Variants in ACOD1 observed in about 807,000 individuals in gnomAD.
ACOD1 encodes aconitate decarboxylase 1.
ACOD1 carries 14 observed loss-of-function variants against 14.2 expected under a neutral mutation model. The observed-to-expected ratio is 0.99, with a 90% CI of 0.65 to 1.54. ACOD1 has a LOEUF of 1.54. Among genes scored for constraint, ACOD1 ranks in the 40% most tolerant of loss-of-function variants. The pLI is 0.00. For synonymous variants in ACOD1, 182 were observed against 221.7 expected, an observed-to-expected ratio of 0.82 and a Z score of 1.59; for missense variants, 530 against 586.3, an observed-to-expected ratio of 0.90 and a Z score of 0.99.
At position 76,957,201 on chromosome 13, in the gene ACOD1, C is replaced by A; in HGVS notation, c.662C>A (p.Ala221Asp). The A allele has an allele frequency of 7.1e-6, 11 of 1,550,638 alleles. No homozygotes were observed. Among genetic ancestry groups the A allele is most frequent in the Non-Finnish European group, 9.6e-6 (11 of 1,147,004 alleles). ...AATGCTGCCAAGCATGGGATAGAAG[C>A]TGCATTTTTGGCAATGTTGGGTCTC... ...IGNAAKHGIE[A>D]AFLAMLGLQG... is the part of the protein sequence containing the mutation. The change falls in exon 5 of 5, where the codon GCT becomes GAT. Residue 221 changes from alanine to aspartate, a missense_variant. Physicochemically the swap from Ala to Asp is moderately radical, Grantham distance 126. Transcript: ENST00000377462.
chr13:76,952,577 T>G lies in ACOD1; in HGVS notation c.101T>G (p.Ile34Ser). The G allele has an allele frequency of 6.4e-7, 1 of 1,550,436 alleles. No homozygotes were observed. The highest frequency in any genetic ancestry group is 2.4e-5 in the East Asian group (1 of 40,898). ...GTTATTCAGAGGAGCAAGAGGATGA[T>G]TCTAGACACTCTGGGTGCTGGGTTC... ...DRVIQRSKRMILDTLGAGFLG... is the reference protein window; with the variant it reads ...DRVIQRSKRMSLDTLGAGFLG... Residue 34 changes from isoleucine (I) to serine (S), a missense_variant, in exon 2 of 5, where the codon ATT (isoleucine) becomes AGT (serine). Coordinates refer to ENST00000377462, the MANE Select transcript of ACOD1 (RefSeq NM_001258406.2).
chr13:76,957,166 C>T lies in ACOD1; in HGVS notation c.627C>T (p.Leu209=), dbSNP rs1426557918. 6.4e-7 allele frequency: 1 copy of T among 1,550,678 alleles called. No individual in the cohort carries two copies. Among genetic ancestry groups the T allele is most frequent in the South Asian group, 1.2e-5 (1 of 84,066 alleles). Residue 209 remains leucine (L), a synonymous_variant, in exon 5 of 5, where the codon CTC becomes CTT. Coordinates refer to ENST00000377462, the MANE Select transcript of ACOD1 (RefSeq NM_001258406.2). ...MANAATQTKP[L]HIGNAAKHGI... is the part of the protein sequence containing the mutation. ...ATGCTGCCACCCAGACCAAGCCCCT[C>T]CACATTGGCAATGCTGCCAAGCATG...
chr13:76,948,597 T>A, intron 1 of ACOD1, 27 bp downstream of exon 1: 1 of 1,062,334 alleles, frequency 9.4e-7, no homozygotes, highest in Non-Finnish European at 1.4e-6. Flanking sequence ...TGTGACTTAC[T>A]TAAATTGCTT....
At position 76,957,495 on chromosome 13, in the gene ACOD1, TA is replaced by T; in HGVS notation, c.959del (p.Asn320ThrfsTer43). ...IVLRIPNVQY[V>X]NRPFPVSEHE... ...CTCAGGATACCAAATGTCCAGTATG[TA>T]AACAGGCCCTTTCCAGTTTCGGAGC... On this transcript the variant is annotated frameshift_variant, in exon 5 of 5. Coordinates refer to ENST00000377462, the MANE Select transcript of ACOD1 (RefSeq NM_001258406.2). LOFTEE classifies it low-confidence loss of function (END_TRUNC). 6.4e-7 allele frequency: 1 copy of T among 1,550,636 alleles called. No individual in the cohort carries two copies. Among genetic ancestry groups the T allele is most frequent in the Non-Finnish European group, 8.7e-7 (1 of 1,147,004 alleles).
At position 76,957,433 on chromosome 13, in the gene ACOD1, A is replaced by C; in HGVS notation, c.894A>C (p.Arg298Ser). The change falls in exon 5 of 5, where the codon AGA becomes AGC. Residue 298 changes from arginine (R) to serine (S), a missense_variant. Arg to Ser is a moderately radical substitution (Grantham distance 110, BLOSUM62 -1). Coordinates refer to ENST00000377462, the MANE Select transcript of ACOD1 (RefSeq NM_001258406.2). Reference protein sequence around the residue: ...ASVRKHLVAERALLPTDYIKR... With the variant: ...ASVRKHLVAESALLPTDYIKR... ...TGAGAAAGCACCTTGTAGCAGAGAGAGCCCTGCTTCCAACTGACTACATTA... is the reference window on the plus strand; with the variant it reads ...TGAGAAAGCACCTTGTAGCAGAGAGCGCCCTGCTTCCAACTGACTACATTA... The C allele has an allele frequency of 6.4e-7, 1 of 1,550,564 alleles. No individual in the cohort carries two copies. Among genetic ancestry groups the C allele is most frequent in the African/African-American group, 1.4e-5 (1 of 73,180 alleles).
Position 76,952,516 on chromosome 13 carries a change from A to G in ACOD1, c.40A>G (p.Ile14Val). ...KSITESFATAIHGLKVGHLTD... is the reference protein window; with the variant it reads ...KSITESFATAVHGLKVGHLTD... ...TATCACAGAAAGCTTTGCCACAGCA[A>G]TCCATGGCTTGAAAGTGGGACACCT... Residue 14 changes from isoleucine (I) to valine (V), a missense_variant, in exon 2 of 5, where the codon ATC becomes GTC. Coordinates refer to ENST00000377462, the MANE Select transcript of ACOD1 (RefSeq NM_001258406.2). The G allele has an allele frequency of 6.4e-7, 1 of 1,550,502 alleles. No individual in the cohort carries two copies. The highest frequency in any genetic ancestry group is 8.7e-7 in the Non-Finnish European group (1 of 1,146,942).
At position 76,958,578 on chromosome 13, in the gene ACOD1, T is replaced by C. The variant is rs547848358; in HGVS notation, c.*593T>C. The C allele has an allele frequency of 3.9e-5, 6 of 152,608 alleles. No homozygotes were observed. In the East Asian group the frequency reaches 1.2e-3, roughly 29 times the overall value. The allele number at this position is 152,608 out of a possible 1,614,324, so 9.5% of individuals were successfully genotyped here. ...AATCGCATTTTGGCTCTAGAACCCATGGTCTTAAGCACTGCAATATATCAC... is the reference window on the plus strand; with the variant it reads ...AATCGCATTTTGGCTCTAGAACCCACGGTCTTAAGCACTGCAATATATCAC... On this transcript the variant is annotated 3_prime_UTR_variant, in exon 5 of 5. Transcript: ENST00000377462.
chr13:76,957,567 T>C lies in ACOD1; in HGVS notation c.1028T>C (p.Leu343Pro). 1.9e-6 allele frequency: 3 copies of C among 1,550,642 alleles called. No individual in the cohort carries two copies. The highest frequency in any genetic ancestry group is 2.6e-6 in the Non-Finnish European group (3 of 1,147,002). ...SFQYVACAML[L>P]DGGITVPSFH... The stretch of plus-strand genomic sequence containing the variant: ...CAGTATGTGGCCTGTGCCATGCTGC[T>C]TGATGGTGGCATCACTGTCCCCTCA... Residue 343 changes from leucine to proline, a missense_variant, in exon 5 of 5, where the codon CTT becomes CCT. Leu to Pro is a moderately conservative substitution (Grantham distance 98). Transcript: ENST00000377462.
chr13:76,957,769 A>G lies in ACOD1; in HGVS notation c.1230A>G (p.Arg410=). The G allele has an allele frequency of 6.4e-7, 1 of 1,550,764 alleles. No homozygotes were observed. The highest frequency in any genetic ancestry group is 8.7e-7 in the Non-Finnish European group (1 of 1,147,028). ...DRSDTFYGHW[R]KPLSQEDLEE... is the part of the protein sequence containing the mutation. Reference sequence around the variant, plus strand: ...CTGATACCTTCTATGGGCACTGGAGAAAACCACTGAGCCAGGAGGACCTAG... The same window carrying G: ...CTGATACCTTCTATGGGCACTGGAGGAAACCACTGAGCCAGGAGGACCTAG... Residue 410 remains arginine, a synonymous_variant, in exon 5 of 5, where the codon AGA becomes AGG. Coordinates refer to ENST00000377462, the MANE Select transcript of ACOD1 (RefSeq NM_001258406.2).
intron 4 of ACOD1, among the ~76,000 whole-genome samples, chr13:76,955,736 T>C (rs1015343073): frequency 2.6e-5 from 4 of 152,220 alleles, no homozygotes; most frequent in African/African-American, 4.8e-5. Flanking sequence ...GTGAGATTAA[T>C]TGGGCCTCTC....
rs611161 is a variant in ACOD1 at position 76,953,656 on chromosome 13, G to T, written c.231G>T (p.Pro77=). The part of the protein sequence containing the change: ...TVWGQPDIRL[P]PTYAAFVNGV... ...GGGGTCAGCCAGACATCAGGCTCCC[G>T]CCCACATATGCTGCTTTTGTGAACG... The change falls in exon 3 of 5, where the codon CCG becomes CCT. Residue 77 remains proline (P), a synonymous_variant. Transcript: ENST00000377462. 12,783 of 1,548,678 alleles carry T rather than the reference G, an allele frequency of 8.3e-3. 892 individuals carry two copies. The African/African-American group carries it at 0.15, about 18-fold the overall frequency.
At position 76,952,716 on chromosome 13, in the gene ACOD1, A is replaced by G. The variant is rs535407164; in HGVS notation, c.174+66A>G. On this transcript the variant is annotated intron_variant, in intron 2 of 4. Transcript: ENST00000377462. ...CATACATATGTGTTACATTTACTCTATACTTCGTTTTATAGACAGCACTTG... is the reference window on the plus strand; with the variant it reads ...CATACATATGTGTTACATTTACTCTGTACTTCGTTTTATAGACAGCACTTG... 451 of 1,385,734 alleles carry G rather than the reference A, an allele frequency of 3.3e-4. 1 individual carries two copies. The African/African-American group carries it at 6.0e-3, about 18-fold the overall frequency. 85.8% of individuals were successfully genotyped at this position (1,385,734 alleles called of 1,614,324 possible).
chr13:76,951,883 A>G (rs1417280948), intron 1 of ACOD1, among the ~76,000 whole-genome samples: 1 of 152,124 alleles, frequency 6.6e-6, no homozygotes, highest in Non-Finnish European at 1.5e-5. Context: ...TCTGAGGTAC[A>G]TGTTCGTCTG....
intron 1 of ACOD1, 25 bp downstream of exon 1, chr13:76,948,595 A>T: frequency 6.9e-7 from 1 of 1,441,428 alleles, no homozygotes; most frequent in Non-Finnish European, 9.3e-7. Flanking sequence ...TATGTGACTT[A>T]CTTAAATTGC....
chr13:76,952,223 G>T (rs976756073), intron 1 of ACOD1, among the ~76,000 whole-genome samples: 3 of 152,028 alleles, frequency 2.0e-5, no homozygotes, highest in Non-Finnish European at 4.4e-5. Context: ...ATCACGCAAT[G>T]CTGTGTCCTG....
chr13:76,948,625 C>A, intron 1 of ACOD1, 55 bp downstream of exon 1: 4 of 1,436,130 alleles, frequency 2.8e-6, no homozygotes, highest in Non-Finnish European at 3.8e-6. Flanking sequence ...AGACTTCTTC[C>A]TTCCTCAATT....
At chr13:76,952,752 C>A (rs2033835106) in intron 2 of ACOD1, 102 bp downstream of exon 2, 2 of 879,510 alleles carry the variant, frequency 2.3e-6, no homozygotes, top group Admixed American at 2.9e-5. Flanking sequence ...ATGTACATAG[C>A]ACTGTTCTAT....
intron 2 of ACOD1, 120 bp downstream of exon 2, chr13:76,952,770 T>C: frequency 1.3e-6 from 1 of 772,968 alleles, no homozygotes; most frequent in Non-Finnish European, 2.0e-6. Context: ...TATATCATTT[T>C]TATAATTTCC....
chr13:76,956,947 C>T (rs78901540), intron 4 of ACOD1, 63 bp from the exon 5 acceptor site: 24,162 of 1,473,198 alleles, frequency 0.016, 272 homozygotes, highest in Middle Eastern at 0.039. Flanking sequence ...TTGATGACTA[C>T]GCTATCCTGC....
Sources: gnomAD v4.1 joint callset for allele counts (sites outside exome capture counted in the v4.1 genomes callset) on GRCh38, gnomAD v4.1.1 for gene constraint, MANE v1.5 for transcripts, NCBI Gene and HGNC (gene_info 2026-07-23, HGNC 2026-07-21) for gene names.